Variants in INSIG2 observed in about 807,000 individuals in gnomAD.
INSIG2 encodes the protein insulin induced gene 2, also known as insulin-induced gene 2 protein.
A neutral mutation model predicts 27.2 loss-of-function variants in INSIG2; 10 were observed. That is an observed-to-expected ratio of 0.37 (90% confidence interval 0.23 to 0.62). The LOEUF is 0.62. Among genes scored for constraint, INSIG2 ranks in the 20% least tolerant of loss-of-function variants. The pLI is 0.65. For missense variants in INSIG2, 178 were observed against 270.2 expected, an observed-to-expected ratio of 0.66 and a Z score of 2.39; for synonymous variants, 97 against 95.8, an observed-to-expected ratio of 1.01 and a Z score of -0.07.
At chr2:118,088,917 G>C (rs1045447398) in intron 1 of INSIG2, among the ~76,000 whole-genome samples, 1 of 152,190 alleles carries the variant, frequency 6.6e-6, no homozygotes, top group African/African-American at 2.4e-5. Context: ...TTGGGGGCTT[G>C]TAGCCTGGGA....
intron 2 of INSIG2, among the ~76,000 whole-genome samples, chr2:118,102,980 C>T (rs1171065428): frequency 6.6e-6 from 1 of 151,644 alleles, no homozygotes; most frequent in African/African-American, 2.4e-5. Context: ...TTGTTGTAAT[C>T]ATTTGCAATA....
At chr2:118,097,801 C>T (rs1029030715) in intron 2 of INSIG2, among the ~76,000 whole-genome samples, 1 of 152,170 alleles carries the variant, frequency 6.6e-6, no homozygotes, top group Non-Finnish European at 1.5e-5. Flanking sequence ...TATCTTGCAA[C>T]ATAATATATG....
chr2:118,095,278 C>G (rs60339034), intron 1 of INSIG2, among the ~76,000 whole-genome samples: 3,412 of 152,244 alleles, frequency 0.022, 127 homozygotes, highest in African/African-American at 0.078. Context: ...CATTTAAAAA[C>G]TGTTAGTATT....
At chr2:118,092,464 G>A (rs1678278221) in intron 1 of INSIG2, among the ~76,000 whole-genome samples, 1 of 152,064 alleles carries the variant, frequency 6.6e-6, no homozygotes, top group Non-Finnish European at 1.5e-5. Flanking sequence ...GTGTATTATA[G>A]TTGAGATGGT....
chr2:118,101,282 T>C (rs1054366070), intron 2 of INSIG2, among the ~76,000 whole-genome samples: 1 of 152,202 alleles, frequency 6.6e-6, no homozygotes, highest in Admixed American at 6.5e-5. Flanking sequence ...CTGAGAACCA[T>C]GCATACTCAA....
intron 3 of INSIG2, among the ~76,000 whole-genome samples, chr2:118,104,317 T>C (rs961719726): frequency 5.9e-5 from 9 of 152,182 alleles, no homozygotes; most frequent in African/African-American, 9.7e-5. Context: ...TTGGATAAGC[T>C]TGGGGACAGA....
chr2:118,104,691 G>A (rs1678630788), intron 3 of INSIG2, among the ~76,000 whole-genome samples: 1 of 152,122 alleles, frequency 6.6e-6, no homozygotes, highest in Non-Finnish European at 1.5e-5. Flanking sequence ...GCAGAGCTGA[G>A]AACAGCCCTG....
intron 2 of INSIG2, among the ~76,000 whole-genome samples, chr2:118,097,849 G>A (rs1018781238): frequency 3.9e-5 from 6 of 152,164 alleles, no homozygotes; most frequent in African/African-American, 9.7e-5. Context: ...GAGGTTGAAG[G>A]ATGAGGTTGC....
chr2:118,096,151 A>G (rs1051386479), intron 1 of INSIG2, among the ~76,000 whole-genome samples: 1 of 152,204 alleles, frequency 6.6e-6, no homozygotes, highest in Admixed American at 6.5e-5. Context: ...TGTTTCTACT[A>G]TGATTCTAAC....
intron 3 of INSIG2, 95 bp downstream of exon 3, chr2:118,103,416 TATG>T: frequency 9.7e-7 from 1 of 1,027,344 alleles, no homozygotes; most frequent in Non-Finnish European, 1.4e-6. Flanking sequence ...GTTGTCAAAT[TATG>T]ATATGCCCAC....
At chr2:118,105,157 C>T (rs1233965225) in intron 3 of INSIG2, among the ~76,000 whole-genome samples, 1 of 152,208 alleles carries the variant, frequency 6.6e-6, no homozygotes, top group Non-Finnish European at 1.5e-5. Flanking sequence ...TCTCCTGCCT[C>T]AGCCTCCTGA....
intron 2 of INSIG2, among the ~76,000 whole-genome samples, chr2:118,102,924 T>C (rs1366262898): frequency 6.6e-6 from 1 of 152,238 alleles, no homozygotes; most frequent in Non-Finnish European, 1.5e-5. Context: ...TGCTAAATTG[T>C]GAATCATACA....
chr2:118,105,036 T>G (rs11889548), intron 3 of INSIG2, among the ~76,000 whole-genome samples: 57,292 of 151,948 alleles, frequency 0.38, 11,824 homozygotes, highest in African/African-American at 0.53. Flanking sequence ...ACAAAATCAT[T>G]TGGCACTATT....
At chr2:118,105,304 G>T (rs1678647505) in intron 3 of INSIG2, among the ~76,000 whole-genome samples, 1 of 152,164 alleles carries the variant, frequency 6.6e-6, no homozygotes, top group Non-Finnish European at 1.5e-5. Flanking sequence ...GTCTCTCAAA[G>T]TGCTGGGATT....
chr2:118,107,244 C>G (rs941212267), intron 5 of INSIG2, 55 bp downstream of exon 5: 2 of 1,266,722 alleles, frequency 1.6e-6, no homozygotes, highest in East Asian at 2.3e-5. Flanking sequence ...CAAGTTTTCT[C>G]TAAAAGGCAG....
chr2:118,104,888 T>G (rs11889497), intron 3 of INSIG2, among the ~76,000 whole-genome samples: 17,283 of 152,208 alleles, frequency 0.11, 1,566 homozygotes, highest in African/African-American at 0.24. Flanking sequence ...AAGTTCAAAT[T>G]CTTTGCTTTG....
chr2:118,090,955 A>C (rs1226863227), intron 1 of INSIG2, among the ~76,000 whole-genome samples: 2 of 152,204 alleles, frequency 1.3e-5, no homozygotes, highest in African/African-American at 4.8e-5. Flanking sequence ...ATCTATTGAC[A>C]TATTGTCCTT....
intron 1 of INSIG2, among the ~76,000 whole-genome samples, chr2:118,095,173 A>G (rs2104525750): frequency 6.6e-6 from 1 of 152,364 alleles, no homozygotes; most frequent in South Asian, 2.1e-4. Flanking sequence ...CTGCTTTTGG[A>G]TTGAAGGAAA....
intron 1 of INSIG2, among the ~76,000 whole-genome samples, chr2:118,089,230 A>G (rs535048433): frequency 6.6e-6 from 1 of 152,338 alleles, no homozygotes; most frequent in South Asian, 2.1e-4. Context: ...CACTTAAGTG[A>G]TAATGACCCA....
Sources: allele counts gnomAD v4.1 joint callset (sites outside exome capture counted in the v4.1 genomes callset), GRCh38; gene constraint gnomAD v4.1.1; transcripts MANE v1.5; gene names NCBI Gene and HGNC (gene_info 2026-07-23, HGNC 2026-07-21).